Variants in TMEM132C observed in about 807,000 individuals in gnomAD.
TMEM132C encodes protein phosphatase 1, regulatory subunit 152.
A neutral mutation model predicts 61.4 loss-of-function variants in TMEM132C; 29 were observed. The observed-to-expected ratio is 0.47, with a 90% CI of 0.35 to 0.64. The LOEUF is 0.64. TMEM132C is among the 30% of genes least tolerant of loss of function. TMEM132C has a pLI of 0.00. For missense variants in TMEM132C, 1,408 were observed against 1,476.9 expected, an observed-to-expected ratio of 0.95 and a Z score of 0.76; for synonymous variants, 656 against 633.1, an observed-to-expected ratio of 1.04 and a Z score of -0.54.
intron 1 of TMEM132C, among the ~76,000 whole-genome samples, chr12:128,293,649 T>C (rs910284556): frequency 1.3e-5 from 2 of 152,172 alleles, no homozygotes; most frequent in Non-Finnish European, 2.9e-5. Flanking sequence ...TGATCTCCAC[T>C]TCTCAGGAGT....
intron 2 of TMEM132C, among the ~76,000 whole-genome samples, chr12:128,480,444 C>T (rs1871282061): frequency 6.6e-6 from 1 of 152,206 alleles, no homozygotes; most frequent in Non-Finnish European, 1.5e-5. Context: ...TCCAGATCTA[C>T]ATCAGAGGTC....
intron 1 of TMEM132C, among the ~76,000 whole-genome samples, chr12:128,351,032 A>G (rs1336151584): frequency 6.6e-6 from 1 of 152,170 alleles, no homozygotes. Flanking sequence ...CTTACTCCAT[A>G]AAATGCCCCA....
intron 3 of TMEM132C, among the ~76,000 whole-genome samples, chr12:128,584,466 G>A (rs747897029): frequency 7.2e-5 from 11 of 152,156 alleles, no homozygotes; most frequent in African/African-American, 1.4e-4. Flanking sequence ...GTAAGTACTC[G>A]TTTTTGGGTC....
At chr12:128,626,144 T>G (rs189123129) in intron 4 of TMEM132C, among the ~76,000 whole-genome samples, 5 of 151,516 alleles carry the variant, frequency 3.3e-5, no homozygotes, top group Admixed American at 2.0e-4. Flanking sequence ...TTTTTTTTAA[T>G]GAGACAGAGT....
intron 2 of TMEM132C, among the ~76,000 whole-genome samples, chr12:128,424,660 G>A (rs10847614): frequency 0.58 from 88,043 of 151,616 alleles, 29,272 homozygotes; most frequent in Non-Finnish European, 0.75. Flanking sequence ...TAGTGGTGAT[G>A]GTTGCACAAC....
chr12:128,424,046 CAAAAAAAA>C (rs144980387), intron 2 of TMEM132C, among the ~76,000 whole-genome samples: 1,143 of 72,774 alleles, frequency 0.016, 13 homozygotes, highest in South Asian at 0.064. Flanking sequence ...GACTCTGTCT[CAAAAAAAA>C]AAAAAAAAAA....
intron 2 of TMEM132C, among the ~76,000 whole-genome samples, chr12:128,541,194 G>A (rs1873735366): frequency 6.6e-6 from 1 of 152,146 alleles, no homozygotes; most frequent in Non-Finnish European, 1.5e-5. Context: ...GGATACAGAT[G>A]AGGAAACATG....
At chr12:128,628,742 G>A (rs950215681) in intron 4 of TMEM132C, among the ~76,000 whole-genome samples, 1 of 152,174 alleles carries the variant, frequency 6.6e-6, no homozygotes, top group South Asian at 2.1e-4. Context: ...GGAGGCGAGG[G>A]ACTCTGATCT....
chr12:128,430,495 A>G (rs1224579609), intron 2 of TMEM132C, among the ~76,000 whole-genome samples: 4 of 152,218 alleles, frequency 2.6e-5, no homozygotes, highest in Admixed American at 6.5e-5. Context: ...CTTAAGCTCA[A>G]TCAATCAGAA....
At chr12:128,310,648 T>C (rs2135926543) in intron 1 of TMEM132C, among the ~76,000 whole-genome samples, 1 of 152,056 alleles carries the variant, frequency 6.6e-6, no homozygotes, top group East Asian at 1.9e-4. Context: ...ACCCCCGTAA[T>C]CCAGACACCT....
intron 3 of TMEM132C, among the ~76,000 whole-genome samples, chr12:128,582,998 A>G (rs1875401852): frequency 6.6e-6 from 1 of 152,228 alleles, no homozygotes; most frequent in South Asian, 2.1e-4. Context: ...AAATGTTTAC[A>G]CTTTATGGAA....
chr12:128,408,650 G>C (rs1868401454), intron 1 of TMEM132C, among the ~76,000 whole-genome samples: 1 of 152,172 alleles, frequency 6.6e-6, no homozygotes, highest in African/African-American at 2.4e-5. Flanking sequence ...CCTCGGCAGG[G>C]CCTTTTGTGC....
At chr12:128,580,314 G>A (rs1399149906) in intron 3 of TMEM132C, among the ~76,000 whole-genome samples, 4 of 152,062 alleles carry the variant, frequency 2.6e-5, no homozygotes, top group Admixed American at 6.5e-5. Flanking sequence ...CCAGCTACTC[G>A]GGAAGCTGAG....
intron 3 of TMEM132C, among the ~76,000 whole-genome samples, chr12:128,562,297 G>T (rs1874551362): frequency 6.6e-6 from 1 of 152,150 alleles, no homozygotes; most frequent in Non-Finnish European, 1.5e-5. Flanking sequence ...TTAACATAGA[G>T]AGATTATCTT....
intron 8 of TMEM132C, among the ~76,000 whole-genome samples, chr12:128,701,285 G>A (rs1316529546): frequency 6.6e-6 from 1 of 150,418 alleles, no homozygotes; most frequent in Non-Finnish European, 1.5e-5. Flanking sequence ...TGAAAGTTGA[G>A]CTAGCAGGAG....
chr12:128,300,404 A>G (rs1871556395), intron 1 of TMEM132C, among the ~76,000 whole-genome samples: 1 of 152,100 alleles, frequency 6.6e-6, no homozygotes, highest in Admixed American at 6.5e-5. Flanking sequence ...CATTTGAAGG[A>G]GGCATTATGA....
chr12:128,307,382 G>T (rs1178536767), intron 1 of TMEM132C, among the ~76,000 whole-genome samples: 1 of 150,532 alleles, frequency 6.6e-6, no homozygotes, highest in Non-Finnish European at 1.5e-5. Flanking sequence ...AAGACACTCA[G>T]AATTGTCTGC....
intron 2 of TMEM132C, among the ~76,000 whole-genome samples, chr12:128,539,624 C>T (rs1047081801): frequency 7.2e-5 from 11 of 152,088 alleles, no homozygotes; most frequent in African/African-American, 2.7e-4. Flanking sequence ...TCTCAAAAAA[C>T]AAATGAACAT....
intron 1 of TMEM132C, among the ~76,000 whole-genome samples, chr12:128,368,664 A>G (rs1166262073): frequency 6.6e-6 from 1 of 152,252 alleles, no homozygotes; most frequent in Non-Finnish European, 1.5e-5. Context: ...TTGGAGGAAC[A>G]TCCATTGGTT....
Sources: gnomAD v4.1 joint callset for allele counts (sites outside exome capture counted in the v4.1 genomes callset) on GRCh38, gnomAD v4.1.1 for gene constraint, MANE v1.5 for transcripts, NCBI Gene and HGNC (gene_info 2026-07-23, HGNC 2026-07-21) for gene names.